Variants in ACTRT3 observed in about 807,000 individuals in gnomAD.
The protein encoded by ACTRT3 is actin-related protein T3.
ACTRT3 carries 15 observed loss-of-function variants against 17.6 expected under a neutral mutation model. The ratio of observed to expected loss-of-function variants is 0.85; its 90% CI spans 0.57 to 1.31. The LOEUF is 1.31. ACTRT3 is among the 50% of genes most tolerant of loss of function. ACTRT3 has a pLI of 0.00. For missense variants in ACTRT3, 457 were observed against 466.7 expected (o/e 0.98, Z 0.19); for synonymous variants, 169 against 176.4 (o/e 0.96, Z 0.33).
In ACTRT3 at chr3:169,769,428, G is replaced by C. The variant is rs199991577; in HGVS notation, c.93C>G (p.Tyr31Ter). ...VAGCREPQFI[Y>*]PNIIGRAKGQ... The stretch of plus-strand genomic sequence containing the variant: ...CCTTGGCGCGGCCGATAATGTTCGG[G>C]TAGATAAACTGGGGCTCCCGGCACC... Residue 31 changes from tyrosine to a stop codon, truncating the protein, a stop_gained, in exon 1 of 2, where the codon TAC becomes TAG. Coordinates refer to ENST00000330368, the MANE Select transcript of ACTRT3 (RefSeq NM_032487.5). LOFTEE classifies it high-confidence loss of function. 3.7e-6 allele frequency: 6 copies of C among 1,609,588 alleles called. No individual in the cohort carries two copies. The African/African-American group carries it at 8.1e-5, about 22-fold the overall frequency.
Position 169,767,872 on chromosome 3 carries a change from C to G in ACTRT3, c.679G>C (p.Ala227Pro). The change falls in exon 2 of 2, where the codon GCC (alanine) becomes CCC (proline). Residue 227 changes from alanine (A) to proline (P), a missense_variant. Physicochemically the swap from Ala to Pro is conservative, Grantham distance 27. Coordinates refer to ENST00000330368, the MANE Select transcript of ACTRT3 (RefSeq NM_032487.5). The part of the protein sequence containing the change: ...YVAMNYEEEM[A>P]KKPDCLEKVY... ...TTCTCTAGACAATCGGGTTTCTTGG[C>G]CATTTCCTCTTCGTAGTTCATTGCC... is the stretch of plus-strand genomic sequence containing the variant. The G allele has an allele frequency of 6.2e-7, 1 of 1,614,148 alleles. No individual in the cohort carries two copies. The highest frequency in any genetic ancestry group is 8.5e-7 in the Non-Finnish European group (1 of 1,180,022).
Position 169,769,505 on chromosome 3 carries a change from G to A in ACTRT3, c.16C>T (p.Leu6=). Residue 6 remains leucine, a synonymous_variant, in exon 1 of 2, where the codon CTA becomes TTA. Coordinates refer to ENST00000330368, the MANE Select transcript of ACTRT3 (RefSeq NM_032487.5). ...GAGCCGTTGTCGATCACCACCGGTA[G>A]CTGGCAGTGGTTCATGCCGCCGCTG... is the stretch of plus-strand genomic sequence containing the variant. MNHCQ[L]PVVIDNGSGM... The A allele has an allele frequency of 6.2e-7, 1 of 1,610,990 alleles. No homozygotes were observed. The highest frequency in any genetic ancestry group is 8.5e-7 in the Non-Finnish European group (1 of 1,179,128).
At position 169,767,745 on chromosome 3, in the gene ACTRT3, G is replaced by A. The variant is rs1211785654; in HGVS notation, c.806C>T (p.Pro269Leu). Residue 269 changes from proline to leucine, a missense_variant, in exon 2 of 2, where the codon CCT becomes CTT. Pro to Leu is a moderately conservative substitution (Grantham distance 98, BLOSUM62 -3). Coordinates refer to ENST00000330368, the MANE Select transcript of ACTRT3 (RefSeq NM_032487.5). ...GCTGAAGCATATCTTATCAATGCCA[G>A]GGGCCTCAAGGTTCATATGACACGG... ...FSPCHMNLEA[P>L]GIDKICFSSI... 2 of 1,614,000 alleles carry A rather than the reference G, an allele frequency of 1.2e-6. No homozygotes were observed. The highest frequency in any genetic ancestry group is 2.7e-5 in the African/African-American group (2 of 74,940).
At chr3:169,768,756 CTGACCTCG>C (rs1560580408) in intron 1 of ACTRT3, among the ~76,000 whole-genome samples, 1 of 152,138 alleles carries the variant, frequency 6.6e-6, no homozygotes, top group Non-Finnish European at 1.5e-5. Flanking sequence ...TCTCGAACTC[CTGACCTCG>C]TGATCCGCCC....
At position 169,768,248 on chromosome 3, in the gene ACTRT3, T is replaced by G. The variant is rs774225943; in HGVS notation, c.303A>C (p.Pro101=). ...YNLKLKPCDG[P]VLITEPALNP... is the part of the protein sequence containing the mutation. ...TCAGCGCTGGCTCAGTAATCAAGAC[T>G]GGGCCATCACACGGCTTCAGCTTTA... Residue 101 remains proline, a synonymous_variant, in exon 2 of 2, where the codon CCA becomes CCC. Coordinates refer to ENST00000330368, the MANE Select transcript of ACTRT3 (RefSeq NM_032487.5). The G allele has an allele frequency of 6.2e-7, 1 of 1,613,954 alleles. No individual in the cohort carries two copies. Among genetic ancestry groups the G allele is most frequent in the Non-Finnish European group, 8.5e-7 (1 of 1,180,036 alleles).
intron 1 of ACTRT3, 110 bp from the exon 2 acceptor site, chr3:169,768,460 A>G: frequency 2.0e-6 from 2 of 995,192 alleles, no homozygotes; most frequent in Non-Finnish European, 1.4e-6. Flanking sequence ...TTTATGGGCA[A>G]TAACTGCCAC....
chr3:169,768,633 T>C (rs1427128459), intron 1 of ACTRT3, among the ~76,000 whole-genome samples: 1 of 151,856 alleles, frequency 6.6e-6, no homozygotes, highest in Non-Finnish European at 1.5e-5. Flanking sequence ...GTTCACGCCA[T>C]TCTCCTGCCT....
rs1441654725 is a variant in ACTRT3, at chr3:169,767,711, C to T, written c.840G>A (p.Met280Ile). Residue 280 changes from methionine (M) to isoleucine (I), a missense_variant, in exon 2 of 2, where the codon ATG becomes ATA. Coordinates refer to ENST00000330368, the MANE Select transcript of ACTRT3 (RefSeq NM_032487.5). ...GIDKICFSSI[M>I]KCDTGLRNSF... ...AATTCCTCAGGCCTGTATCACATTT[C>T]ATTATGCTGCTGAAGCATATCTTAT... 1.2e-6 allele frequency: 2 copies of T among 1,613,908 alleles called. No individual in the cohort carries two copies. Among genetic ancestry groups the T allele is most frequent in the African/African-American group, 2.7e-5 (2 of 74,934 alleles).
Position 169,767,900 on chromosome 3 carries a change from A to C in ACTRT3, c.651T>G (p.Tyr217Ter). ...TTTCCTCTTCGTAGTTCATTGCCAC[A>C]TAACAAAAGCTCTCCTTGATGTCTT... The part of the protein sequence containing the change: ...IVEDIKESFC[Y>*]VAMNYEEEMA... The change falls in exon 2 of 2, where the codon TAT becomes TAG. Residue 217 changes from tyrosine (Y) to a stop codon, truncating the protein, a stop_gained. Transcript: ENST00000330368. LOFTEE classifies it high-confidence loss of function. 2 of 1,614,200 alleles carry C rather than the reference A, an allele frequency of 1.2e-6. No homozygotes were observed. The highest frequency in any genetic ancestry group is 1.1e-5 in the South Asian group (1 of 91,082).
In ACTRT3 at chr3:169,767,642, G is replaced by A. The variant is rs1281821207; in HGVS notation, c.909C>T (p.Phe303=). 6 of 1,613,678 alleles carry A rather than the reference G, an allele frequency of 3.7e-6. No individual in the cohort carries two copies. Among genetic ancestry groups the A allele is most frequent in the African/African-American group, 1.3e-5 (1 of 75,014 alleles). ...TAACTAACCGCTTGTCTAAACCAGG[G>A]AAAGAGGTTGATCCCCCGGCAAGGA... ...NIILAGGSTS[F]PGLDKRLVKD... is the part of the protein sequence containing the mutation. Residue 303 remains phenylalanine (F), a synonymous_variant, in exon 2 of 2, where the codon TTC becomes TTT. Coordinates refer to ENST00000330368, the MANE Select transcript of ACTRT3 (RefSeq NM_032487.5).
rs1344062237 is a variant in ACTRT3, at chr3:169,769,395, G to A, written c.126C>T (p.Ser42=). 1.2e-6 allele frequency: 2 copies of A among 1,605,768 alleles called. No homozygotes were observed. The highest frequency in any genetic ancestry group is 8.5e-7 in the Non-Finnish European group (1 of 1,178,162). ...PNIIGRAKGQ[S]RAAQGGLELC... Reference sequence around the variant, plus strand: ...GTTCTAGCCCGCCCTGGGCCGCGCGGCTCTGGCCCTTGGCGCGGCCGATAA... The same window carrying A: ...GTTCTAGCCCGCCCTGGGCCGCGCGACTCTGGCCCTTGGCGCGGCCGATAA... The change falls in exon 1 of 2, where the codon AGC becomes AGT. Residue 42 remains serine (S), a synonymous_variant. Coordinates refer to ENST00000330368, the MANE Select transcript of ACTRT3 (RefSeq NM_032487.5).
chr3:169,769,509 G>A lies in ACTRT3; in HGVS notation c.12C>T (p.Cys4=). The change falls in exon 1 of 2, where the codon TGC becomes TGT. Residue 4 remains cysteine, a synonymous_variant. Transcript: ENST00000330368. ...CGTTGTCGATCACCACCGGTAGCTGGCAGTGGTTCATGCCGCCGCTGCTGC... is the reference window on the plus strand; with the variant it reads ...CGTTGTCGATCACCACCGGTAGCTGACAGTGGTTCATGCCGCCGCTGCTGC... The part of the protein sequence containing the change: MNH[C]QLPVVIDNGS... 6.2e-7 allele frequency: 1 copy of A among 1,610,690 alleles called. No individual in the cohort carries two copies. The highest frequency in any genetic ancestry group is 1.1e-5 in the South Asian group (1 of 90,968).
At position 169,769,310 on chromosome 3, in the gene ACTRT3, G is replaced by T; in HGVS notation, c.200+11C>A. On this transcript the variant is annotated intron_variant, in intron 1 of 1. Transcript: ENST00000330368. ...CCCCAGCCCCAGCAGCCTGCTGGGA[G>T]AAGGAGGTACCTGATGAACAGCGAG... The T allele has an allele frequency of 7.7e-7, 1 of 1,306,068 alleles. No individual in the cohort carries two copies. The highest frequency in any genetic ancestry group is 9.8e-7 in the Non-Finnish European group (1 of 1,019,396). 80.9% of individuals were successfully genotyped at this position (1,306,068 alleles called of 1,614,324 possible). A position where few individuals can be genotyped will look rare whatever the true frequency, so the allele number is the denominator to read the frequency against.
rs34273285 is a variant in ACTRT3, at chr3:169,767,800, G to T, written c.751C>A (p.Leu251Ile). The stretch of plus-strand genomic sequence containing the variant: ...AAGAGGGCCTCTGGACAAGAAAAGA[G>T]CTGGTCATGGAGCTGGATGACCTTC... ...DGKVIQLHDQ[L>I]FSCPEALFSP... Residue 251 changes from leucine to isoleucine, a missense_variant, in exon 2 of 2, where the codon CTC becomes ATC. Leu to Ile is a conservative substitution (Grantham distance 5). Coordinates refer to ENST00000330368, the MANE Select transcript of ACTRT3 (RefSeq NM_032487.5). 3 of 1,614,052 alleles carry T rather than the reference G, an allele frequency of 1.9e-6. No individual in the cohort carries two copies. The highest frequency in any genetic ancestry group is 4.5e-5 in the East Asian group (2 of 44,906).
rs959424888 is a variant in ACTRT3, at chr3:169,767,444, T to C, written c.1107A>G (p.Gln369=). 5 of 1,573,724 alleles carry C rather than the reference T, an allele frequency of 3.2e-6. No individual in the cohort carries two copies. The highest frequency in any genetic ancestry group is 4.3e-6 in the Non-Finnish European group (5 of 1,160,118). The change falls in exon 2 of 2, where the codon CAA becomes CAG. Residue 369 remains glutamine (Q), a synonymous_variant. Coordinates refer to ENST00000330368, the MANE Select transcript of ACTRT3 (RefSeq NM_032487.5). ...FKEVGPNIVH[Q]RCF is the part of the protein sequence containing the mutation. ...TTTTATCTGTATTTCAGAAGCATCT[T>C]TGGTGTACTATGTTGGGTCCAACTT...
At position 169,767,006 on chromosome 3, in the gene ACTRT3, C is replaced by T. The variant is rs1041843604; in HGVS notation, c.*426G>A. 2.6e-5 allele frequency: 4 copies of T among 154,488 alleles called. No homozygotes were observed. The highest frequency in any genetic ancestry group is 9.6e-5 in the African/African-American group (4 of 41,506). The allele number at this position is 154,488 out of a possible 1,614,324, so 9.6% of individuals were successfully genotyped here. A position where few individuals can be genotyped will look rare whatever the true frequency, so the allele number is the denominator to read the frequency against. On this transcript the variant is annotated 3_prime_UTR_variant, in exon 2 of 2. Transcript: ENST00000330368. ...TTAGCAACTTGTTCATTTTAGTATG[C>T]TTGCCTGGATATCTGCGCTCCATCC...
intron 1 of ACTRT3, among the ~76,000 whole-genome samples, chr3:169,768,625 T>A (rs948426585): frequency 1.3e-5 from 2 of 152,046 alleles, no homozygotes; most frequent in African/African-American, 4.8e-5. Context: ...CCTCCCGGGT[T>A]CACGCCATTC....
At position 169,768,252 on chromosome 3, in the gene ACTRT3, C is replaced by A. The variant is rs759566587; in HGVS notation, c.299G>T (p.Gly100Val). The A allele has an allele frequency of 5.6e-6, 9 of 1,613,884 alleles. No individual in the cohort carries two copies. Among genetic ancestry groups the A allele is most frequent in the Non-Finnish European group, 7.6e-6 (9 of 1,180,020 alleles). ...CGCTGGCTCAGTAATCAAGACTGGGCCATCACACGGCTTCAGCTTTAGGTT... is the reference window on the plus strand; with the variant it reads ...CGCTGGCTCAGTAATCAAGACTGGGACATCACACGGCTTCAGCTTTAGGTT... ...DYNLKLKPCD[G>V]PVLITEPALN... The change falls in exon 2 of 2, where the codon GGC (glycine) becomes GTC (valine). Residue 100 changes from glycine to valine, a missense_variant. Physicochemically the swap from Gly to Val is moderately radical, Grantham distance 109 (BLOSUM62 -3). Transcript: ENST00000330368.
At position 169,767,258 on chromosome 3, in the gene ACTRT3, A is replaced by G. The variant is rs928854685; in HGVS notation, c.*174T>C. On this transcript the variant is annotated 3_prime_UTR_variant, in exon 2 of 2. Coordinates refer to ENST00000330368, the MANE Select transcript of ACTRT3 (RefSeq NM_032487.5). ...ATTTTAACTTGGTTCTACTCAATAG[A>G]CATCTGTTCTTGAGCTTCACCATTA... 1.9e-6 allele frequency: 1 copy of G among 538,598 alleles called. No individual in the cohort carries two copies. Among genetic ancestry groups the G allele is most frequent in the Admixed American group, 3.4e-5 (1 of 29,618 alleles). 33.4% of individuals were successfully genotyped at this position (538,598 alleles called of 1,614,324 possible).
Sources: allele counts gnomAD v4.1 joint callset (sites outside exome capture counted in the v4.1 genomes callset), GRCh38; gene constraint gnomAD v4.1.1; transcripts MANE v1.5; gene names NCBI Gene and HGNC (gene_info 2026-07-23, HGNC 2026-07-21).